PHLPP1: variants seen among roughly 807,000 people sequenced by gnomAD.
PHLPP1 encodes PH domain and leucine rich repeat protein phosphatase 1, also known as PH domain leucine-rich repeat-containing protein phosphatase 1.
PHLPP1 carries 42 observed loss-of-function variants against 117.2 expected under a neutral mutation model. The observed-to-expected ratio is 0.36, with a 90% CI of 0.28 to 0.46. PHLPP1 has a LOEUF of 0.46. Among genes scored for constraint, PHLPP1 ranks in the 20% least tolerant of loss-of-function variants. The pLI is 1.00. For missense variants in PHLPP1, 2,084 were observed against 2,241.9 expected, an observed-to-expected ratio of 0.93 and a Z score of 1.42; for synonymous variants, 1,042 against 970.7, an observed-to-expected ratio of 1.07 and a Z score of -1.37.
chr18:62,782,582 C>T (rs1913149078), intron 1 of PHLPP1, among the ~76,000 whole-genome samples: 1 of 152,116 alleles, frequency 6.6e-6, no homozygotes, highest in Non-Finnish European at 1.5e-5. Flanking sequence ...ATATGCACTC[C>T]ATCTTTTATA....
chr18:62,868,481 G>A lies in PHLPP1; in HGVS notation c.2066+7880G>A, dbSNP rs76311194. On this transcript the variant is annotated intron_variant, in intron 4 of 16. Coordinates refer to ENST00000262719, the MANE Select transcript of PHLPP1 (RefSeq NM_194449.4). ...ACTAAAAATACAAAAAAATAGCTAG[G>A]CGTCATGGCGCACACCTATAATCCC... is the stretch of plus-strand genomic sequence containing the variant. Among the ~76,000 whole-genome samples, 47 of 152,024 alleles carry A rather than the reference G, an allele frequency of 3.1e-4. 1 individual carries two copies. In the East Asian group the frequency reaches 8.9e-3, roughly 29 times the overall value.
In PHLPP1 at chr18:62,860,447, C is replaced by T. The variant is rs539746714; in HGVS notation, c.1912C>T (p.Arg638Cys). Residue 638 changes from arginine to cysteine, a missense_variant, in exon 4 of 17, where the codon CGC becomes TGC. By Grantham distance (180) the Arg-to-Cys change is radical. This residue lies in a region of PHLPP1 where 1,365 missense variants were observed against 1,605.9 expected (regional missense o/e 0.85). Coordinates refer to ENST00000262719, the MANE Select transcript of PHLPP1 (RefSeq NM_194449.4). ...TATCCCCCTTTAGGTTGCATCCCAG[C>T]GCATTAGCTCAGTGGACCTCTCGTG... ...LRQVSKVASQ[R>C]ISSVDLSCCS... The T allele has an allele frequency of 5.6e-6, 9 of 1,613,698 alleles. No individual in the cohort carries two copies. Among genetic ancestry groups the T allele is most frequent in the African/African-American group, 2.7e-5 (2 of 75,026 alleles).
Position 62,978,291 on chromosome 18 carries a change from C to T in PHLPP1, c.4014C>T (p.Ser1338=). 6.2e-7 allele frequency: 1 copy of T among 1,609,776 alleles called. No individual in the cohort carries two copies. Among genetic ancestry groups the T allele is most frequent in the African/African-American group, 1.3e-5 (1 of 74,950 alleles). The change falls in exon 17 of 17, where the codon TCC becomes TCT. Residue 1338 remains serine, a synonymous_variant. Coordinates refer to ENST00000262719, the MANE Select transcript of PHLPP1 (RefSeq NM_194449.4). The surrounding 1 kb of genome is among the most constrained non-coding windows in gnomAD (Gnocchi z 7.0). The stretch of plus-strand genomic sequence containing the variant: ...GCAAGGTGAACGGAGTGACTGAGTC[C>T]ACGCGCATCCTGGGCTACACCTTCC... The part of the protein sequence containing the change: ...EDGKVNGVTE[S]TRILGYTFLH...
At chr18:62,931,703 G>T (rs1197622631) in intron 10 of PHLPP1, among the ~76,000 whole-genome samples, 2 of 151,700 alleles carry the variant, frequency 1.3e-5, no homozygotes, top group Non-Finnish European at 2.9e-5. Flanking sequence ...GACCAGCCTG[G>T]CCAATATGGT....
intron 4 of PHLPP1, among the ~76,000 whole-genome samples, chr18:62,884,482 T>G (rs2144387597): frequency 6.6e-6 from 1 of 152,366 alleles, no homozygotes; most frequent in East Asian, 1.9e-4. Flanking sequence ...ACTGACAGCC[T>G]GGCAACTCCC....
rs1916115557 is a variant in PHLPP1, at chr18:62,879,178, A to C, written c.2067-15833A>C. Among the ~76,000 whole-genome samples, 3 of 152,146 alleles carry C rather than the reference A, an allele frequency of 2.0e-5. No individual in the cohort carries two copies. The South Asian group carries it at 6.2e-4, about 32-fold the overall frequency. ...AGTATTAAGAGGTGGGACTTTAAAG[A>C]GGTGATTAGGCCATGAGGGCTCTAC... is the stretch of plus-strand genomic sequence containing the variant. On this transcript the variant is annotated intron_variant, in intron 4 of 16. Coordinates refer to ENST00000262719, the MANE Select transcript of PHLPP1 (RefSeq NM_194449.4).
At chr18:62,894,245 C>T (rs1468079135) in intron 4 of PHLPP1, among the ~76,000 whole-genome samples, 2 of 152,166 alleles carry the variant, frequency 1.3e-5, no homozygotes, top group African/African-American at 4.8e-5. Context: ...GCCCAGGCTA[C>T]ATTCCAGGAG....
chr18:62,806,047 G>T (rs1005559570), intron 1 of PHLPP1, among the ~76,000 whole-genome samples: 1 of 152,070 alleles, frequency 6.6e-6, no homozygotes, highest in Non-Finnish European at 1.5e-5. Context: ...CAAACAAAGT[G>T]CCCTCCCGGA....
intron 9 of PHLPP1, among the ~76,000 whole-genome samples, chr18:62,916,131 TGTCCAGTA>T (rs1476434195): frequency 6.6e-6 from 1 of 152,144 alleles, no homozygotes; most frequent in East Asian, 1.9e-4. Context: ...AGAGTTGAGC[TGTCCAGTA>T]TGGTAGCCCC....
At chr18:62,753,280 A>G (rs936621607) in intron 1 of PHLPP1, among the ~76,000 whole-genome samples, 4 of 152,226 alleles carry the variant, frequency 2.6e-5, no homozygotes, top group African/African-American at 9.6e-5. Flanking sequence ...TTTAGTTCAC[A>G]GTATTCTATA....
chr18:62,926,789 T>G (rs1909639864), intron 10 of PHLPP1, among the ~76,000 whole-genome samples: 1 of 152,200 alleles, frequency 6.6e-6, no homozygotes, highest in African/African-American at 2.4e-5. Flanking sequence ...GTGAGAAATG[T>G]TGTTCCTTTA....
intron 12 of PHLPP1, among the ~76,000 whole-genome samples, chr18:62,946,639 T>TG (rs1568170608): frequency 1.3e-5 from 2 of 151,724 alleles, no homozygotes; most frequent in African/African-American, 4.8e-5. Context: ...GCCATTTTGT[T>TG]TGTGTGTGTG....
At chr18:62,950,450 G>A (rs1451440248) in intron 12 of PHLPP1, among the ~76,000 whole-genome samples, 1 of 152,214 alleles carries the variant, frequency 6.6e-6, no homozygotes, top group Non-Finnish European at 1.5e-5. Flanking sequence ...TCGCTTGGCT[G>A]GATTCCAGCA....
intron 1 of PHLPP1, 103 bp from the exon 2 acceptor site, chr18:62,829,932 C>T (rs1599070146): frequency 5.5e-6 from 4 of 721,986 alleles, no homozygotes; most frequent in East Asian, 5.8e-5. Flanking sequence ...ATAATTTTCC[C>T]TTGAATTATT....
chr18:62,727,933 A>AG, intron 1 of PHLPP1, among the ~76,000 whole-genome samples: 1 of 151,804 alleles, frequency 6.6e-6, no homozygotes, highest in Middle Eastern at 3.4e-3. Context: ...TGGGAAGGGG[A>AG]GGGGGGCTGG....
chr18:62,737,046 A>AAAT (rs1398243451), intron 1 of PHLPP1, among the ~76,000 whole-genome samples: 4 of 152,160 alleles, frequency 2.6e-5, no homozygotes, highest in Non-Finnish European at 5.9e-5. Context: ...ACGTTTACAT[A>AAAT]AATAATAATA....
At chr18:62,934,945 A>G (rs1909927081) in intron 10 of PHLPP1, among the ~76,000 whole-genome samples, 1 of 152,236 alleles carries the variant, frequency 6.6e-6, no homozygotes, top group Non-Finnish European at 1.5e-5. Context: ...GGGAAACCCC[A>G]TTGGTATTTC....
At chr18:62,790,386 A>G (rs1319377488) in intron 1 of PHLPP1, among the ~76,000 whole-genome samples, 6 of 152,204 alleles carry the variant, frequency 3.9e-5, no homozygotes, top group Admixed American at 3.9e-4. Context: ...ATTATACTCT[A>G]ATATAACCCC....
In PHLPP1 at chr18:62,975,447, A is replaced by G. The variant is rs750612771; in HGVS notation, c.3806A>G (p.His1269Arg). ...CTTGGTGGTGCCGCTGTCCTTTGTC[A>G]TATCAAGCATGACCCTGTGGATCCA... is the stretch of plus-strand genomic sequence containing the variant. ...QKLGGAAVLC[H>R]IKHDPVDPGG... Residue 1269 changes from histidine (H) to arginine (R), a missense_variant, in exon 16 of 17, where the codon CAT becomes CGT. This residue lies in a region of PHLPP1 where 1,365 missense variants were observed against 1,605.9 expected (regional missense o/e 0.85). Coordinates refer to ENST00000262719, the MANE Select transcript of PHLPP1 (RefSeq NM_194449.4). The G allele has an allele frequency of 2.5e-6, 4 of 1,613,792 alleles. No individual in the cohort carries two copies. The highest frequency in any genetic ancestry group is 1.7e-5 in the Admixed American group (1 of 59,988).
Sources: allele counts gnomAD v4.1 joint callset (sites outside exome capture counted in the v4.1 genomes callset), GRCh38; gene constraint gnomAD v4.1.1; regional missense constraint gnomAD v4.1.1; non-coding constraint Gnocchi (gnomAD v3.1); transcripts MANE v1.5; gene names NCBI Gene and HGNC (gene_info 2026-07-23, HGNC 2026-07-21).